The following TSHR variants were observed in gnomAD, a reference collection of about 807,000 sequenced individuals.
TSHR encodes thyroid stimulating hormone receptor, also known as thyrotropin receptor.
A neutral mutation model predicts 64.1 loss-of-function variants in TSHR; 51 were observed. The observed-to-expected ratio is 0.80, with a 90% CI of 0.64 to 1.01. The LOEUF is 1.01. TSHR is among the 50% of genes least tolerant of loss of function. TSHR has a pLI of 0.00. For synonymous variants in TSHR, 361 were observed against 361.9 expected, an observed-to-expected ratio of 1.00 and a Z score of 0.03; for missense variants, 877 against 942.8, an observed-to-expected ratio of 0.93 and a Z score of 0.91.
chr14:81,130,412 C>A (rs1050661015), intron 8 of TSHR, among the ~76,000 whole-genome samples: 2 of 152,156 alleles, frequency 1.3e-5, no homozygotes, highest in African/African-American at 4.8e-5. Flanking sequence ...TGACTCCATC[C>A]TCCTTGGAAT....
intron 8 of TSHR, among the ~76,000 whole-genome samples, chr14:81,110,666 A>C (rs1595132453): frequency 6.6e-6 from 1 of 152,388 alleles, no homozygotes; most frequent in East Asian, 1.9e-4. Flanking sequence ...TTGCAAAAAC[A>C]ACTGATTGAC....
intron 1 of TSHR, among the ~76,000 whole-genome samples, chr14:80,975,559 A>C (rs145356428): frequency 3.9e-5 from 6 of 152,240 alleles, no homozygotes; most frequent in African/African-American, 1.4e-4. Flanking sequence ...GTTCATAAGG[A>C]GCTTTCTCAT....
chr14:81,019,412 C>A (rs1206272519), intron 1 of TSHR, among the ~76,000 whole-genome samples: 3 of 147,318 alleles, frequency 2.0e-5, no homozygotes, highest in Admixed American at 6.8e-5. Flanking sequence ...CAAGATTGAA[C>A]AGGCCAGAAA....
At chr14:80,978,090 C>T (rs916342372) in intron 1 of TSHR, among the ~76,000 whole-genome samples, 1 of 100,990 alleles carries the variant, frequency 9.9e-6, no homozygotes, top group Non-Finnish European at 2.0e-5. Context: ...AACAACATCC[C>T]TCCAACACAC....
intron 1 of TSHR, among the ~76,000 whole-genome samples, chr14:81,045,483 A>G (rs1885130597): frequency 1.3e-5 from 2 of 152,126 alleles, no homozygotes; most frequent in Non-Finnish European, 2.9e-5. Context: ...TGCTGCACCT[A>G]TCAACCCGTC....
intron 1 of TSHR, among the ~76,000 whole-genome samples, chr14:80,974,662 G>T (rs1219651328): frequency 6.6e-6 from 1 of 152,174 alleles, no homozygotes; most frequent in African/African-American, 2.4e-5. Context: ...ATGATAGAAG[G>T]TCTAATGTAC....
At chr14:80,973,999 G>A (rs1229885135) in intron 1 of TSHR, among the ~76,000 whole-genome samples, 4 of 152,144 alleles carry the variant, frequency 2.6e-5, no homozygotes, top group African/African-American at 9.7e-5. Flanking sequence ...TTCACAGGGT[G>A]AACAAACTAG....
rs1490164040 is a variant in TSHR at position 81,078,379 on chromosome 14, C to T, written c.318-9575C>T. 2.6e-5 allele frequency among the ~76,000 whole-genome samples: 4 copies of T among 152,046 alleles called. No homozygotes were observed. The South Asian group carries it at 6.2e-4, about 24-fold the overall frequency. ...GCCTTCTTTTTTTCTGAGGAGTAGT[C>T]GTATCCGTGTTATTATTCTCCTGTA... On this transcript the variant is annotated intron_variant, in intron 3 of 9. Coordinates refer to ENST00000298171, the MANE Select transcript of TSHR (RefSeq NM_000369.5).
At chr14:81,093,768 T>A (rs1453394410) in intron 6 of TSHR, 1 of 152,152 alleles carries the variant, frequency 6.6e-6, no homozygotes, top group African/African-American at 2.4e-5. Context: ...TCCTTCTCAG[T>A]CATAATTTCT....
At chr14:81,129,164 A>C (rs762838929) in intron 8 of TSHR, among the ~76,000 whole-genome samples, 1 of 152,154 alleles carries the variant, frequency 6.6e-6, no homozygotes, top group Non-Finnish European at 1.5e-5. Flanking sequence ...ACCTGTCATG[A>C]CCAATGACTA....
At chr14:81,071,686 A>G (rs1447016515) in intron 3 of TSHR, among the ~76,000 whole-genome samples, 1 of 152,160 alleles carries the variant, frequency 6.6e-6, no homozygotes, top group Non-Finnish European at 1.5e-5. Flanking sequence ...AATTAAGCCC[A>G]GGCATTCCAG....
At chr14:80,994,415 T>G (rs1233046500) in intron 1 of TSHR, 1 of 151,590 alleles carries the variant, frequency 6.6e-6, no homozygotes, top group South Asian at 2.1e-4. Flanking sequence ...AGAGACCAAA[T>G]AGCCAAGGCA....
At chr14:81,017,076 G>C (rs1314070278) in intron 1 of TSHR, among the ~76,000 whole-genome samples, 1 of 152,140 alleles carries the variant, frequency 6.6e-6, no homozygotes, top group Non-Finnish European at 1.5e-5. Context: ...ACACATTTAT[G>C]CCTGAGGTTG....
chr14:81,086,429 A>G (rs961671751), intron 3 of TSHR, among the ~76,000 whole-genome samples: 1 of 152,200 alleles, frequency 6.6e-6, no homozygotes, highest in Non-Finnish European at 1.5e-5. Context: ...AGTTTTTTCT[A>G]ATTTTGCAAG....
intron 3 of TSHR, among the ~76,000 whole-genome samples, chr14:81,084,827 G>C (rs189769771): frequency 1.4e-3 from 209 of 152,310 alleles, no homozygotes; most frequent in African/African-American, 4.9e-3. Flanking sequence ...ATGCTTGAAG[G>C]CATTCAAATT....
At chr14:81,109,952 T>G (rs1890152693) in intron 8 of TSHR, among the ~76,000 whole-genome samples, 1 of 152,262 alleles carries the variant, frequency 6.6e-6, no homozygotes, top group Non-Finnish European at 1.5e-5. Flanking sequence ...CAATAACACT[T>G]TTATATCTGC....
chr14:81,118,245 TG>T (rs1890617854), intron 8 of TSHR, among the ~76,000 whole-genome samples: 2 of 99,686 alleles, frequency 2.0e-5, no homozygotes, highest in Admixed American at 2.3e-4. Flanking sequence ...TGTCCCTGTT[TG>T]CAGACGACAT....
At chr14:80,983,681 T>G in intron 1 of TSHR, 9 of 625,824 alleles carry the variant, frequency 1.4e-5, no homozygotes, top group Non-Finnish European at 2.4e-5. Flanking sequence ...CTCCAAACTC[T>G]AGCAGGCTGT....
At chr14:80,982,331 A>G in intron 1 of TSHR, 1 of 1,206,506 alleles carries the variant, frequency 8.3e-7, no homozygotes, top group Non-Finnish European at 1.2e-6. Context: ...TGGGCTGAGG[A>G]AGAGGCCACT....
Sources: gnomAD v4.1 joint callset for allele counts (sites outside exome capture counted in the v4.1 genomes callset) on GRCh38, gnomAD v4.1.1 for gene constraint, MANE v1.5 for transcripts, NCBI Gene and HGNC (gene_info 2026-07-23, HGNC 2026-07-21) for gene names.